Variants in ADGRL2 observed in about 807,000 individuals in gnomAD.
The protein encoded by ADGRL2 is calcium-independent alpha-latrotoxin receptor 2.
Under a neutral mutation model 157.4 loss-of-function variants are expected in ADGRL2, and 44 were observed. That is an observed-to-expected ratio of 0.28 (90% CI 0.22 to 0.36). The LOEUF is 0.36. Among genes scored for constraint, ADGRL2 ranks in the 10% least tolerant of loss-of-function variants. The probability of loss-of-function intolerance (pLI) is 1.00; values close to 1 mark genes in which losing one functional copy is unlikely to be tolerated. For missense variants in ADGRL2, 1,510 were observed against 1,768.9 expected (o/e 0.85, Z 2.63); for synonymous variants, 585 against 624.7 (o/e 0.94, Z 0.95).
intron 3 of ADGRL2, among the ~76,000 whole-genome samples, chr1:81,590,057 G>T (rs764226025): frequency 1.2e-4 from 18 of 152,250 alleles, no homozygotes; most frequent in Non-Finnish European, 1.8e-4. Flanking sequence ...AAGATCTGAG[G>T]ATTCCCTTTG....
At chr1:81,613,816 T>C (rs1164182630) in intron 3 of ADGRL2, among the ~76,000 whole-genome samples, 1 of 152,212 alleles carries the variant, frequency 6.6e-6, no homozygotes, top group East Asian at 1.9e-4. Flanking sequence ...CTGAGCTAAA[T>C]GACTTTTAAA....
chr1:81,365,296 C>T lies in ADGRL2; in HGVS notation c.-302+58787C>T, dbSNP rs1240324998. Among the ~76,000 whole-genome samples the T allele has an allele frequency of 2.6e-5, 4 of 152,166 alleles. No individual in the cohort carries two copies. The South Asian group carries it at 6.2e-4, about 24-fold the overall frequency. On this transcript the variant is annotated intron_variant, in intron 1 of 24. Transcript: ENST00000370721. ...CACTGAACCAAGGTAGAAACCAAAG[C>T]GAACACTATTAGAATAGAAAGGAGA...
In ADGRL2 at chr1:81,991,327, T is replaced by C. The variant is rs1664566684; in HGVS notation, c.*182T>C. 3 of 544,064 alleles carry C rather than the reference T, an allele frequency of 5.5e-6. No individual in the cohort carries two copies. In the South Asian group the frequency reaches 9.2e-5, roughly 17 times the overall value. The allele number at this position is 544,064 out of a possible 1,614,324, so 33.7% of individuals were successfully genotyped here. A position where few individuals can be genotyped will look rare whatever the true frequency, so the allele number is the denominator to read the frequency against. On this transcript the variant is annotated 3_prime_UTR_variant, in exon 24 of 24. Coordinates refer to ENST00000686636, the MANE Select transcript of ADGRL2 (RefSeq NM_001366006.2). ...ATTTTTATAAAACATACAAAAACTT[T>C]GTATATACACAGAGTATACTAAAGT...
chr1:81,495,835 T>G (rs1387921595), intron 2 of ADGRL2, among the ~76,000 whole-genome samples: 2 of 152,190 alleles, frequency 1.3e-5, no homozygotes, highest in Admixed American at 6.5e-5. Flanking sequence ...CCTGATAAGT[T>G]TGTCATTGGT....
chr1:81,315,542 G>C (rs1306571478), intron 1 of ADGRL2, among the ~76,000 whole-genome samples: 4 of 152,078 alleles, frequency 2.6e-5, no homozygotes, highest in African/African-American at 9.7e-5. Flanking sequence ...GGATTAGAAA[G>C]TCCCTCAGGG....
At chr1:81,357,237 C>T (rs1337833709) in intron 1 of ADGRL2, among the ~76,000 whole-genome samples, 2 of 152,058 alleles carry the variant, frequency 1.3e-5, no homozygotes, top group African/African-American at 4.8e-5. Context: ...CTCTTTGCAC[C>T]ATGATTTATG....
chr1:81,863,377 A>G (rs1414885083), intron 2 of ADGRL2, among the ~76,000 whole-genome samples: 1 of 152,150 alleles, frequency 6.6e-6, no homozygotes, highest in Non-Finnish European at 1.5e-5. Flanking sequence ...AATACTGCAT[A>G]ATATTGCCCA....
At chr1:81,960,362 G>A (rs1275742605) in intron 11 of ADGRL2, among the ~76,000 whole-genome samples, 2 of 152,132 alleles carry the variant, frequency 1.3e-5, no homozygotes, top group African/African-American at 4.8e-5. Flanking sequence ...TTATCAACAA[G>A]CACATAATCT....
At chr1:81,989,880 T>G in intron 23 of ADGRL2, 5 of 985,426 alleles carry the variant, frequency 5.1e-6, no homozygotes, top group Non-Finnish European at 6.0e-6. Flanking sequence ...TAGAATGTTG[T>G]TTAAAAAGTT....
chr1:81,849,064 C>G (rs1336740939), intron 2 of ADGRL2, among the ~76,000 whole-genome samples: 1 of 151,920 alleles, frequency 6.6e-6, no homozygotes, highest in East Asian at 1.9e-4. Flanking sequence ...CTTTCAAAAG[C>G]TCTTACTTTT....
intron 1 of ADGRL2, among the ~76,000 whole-genome samples, chr1:81,407,897 A>T (rs536934696): frequency 1.3e-5 from 2 of 152,192 alleles, no homozygotes; most frequent in African/African-American, 2.4e-5. Context: ...AGTTGCCAAG[A>T]TCATCTGAGA....
intron 19 of ADGRL2, among the ~76,000 whole-genome samples, chr1:81,983,256 T>A (rs1662172997): frequency 1.3e-5 from 2 of 151,988 alleles, no homozygotes; most frequent in African/African-American, 4.8e-5. Flanking sequence ...TCAAAAGAAG[T>A]ATAACTTAGT....
At chr1:81,389,222 A>G (rs2076492030) in intron 1 of ADGRL2, among the ~76,000 whole-genome samples, 1 of 152,162 alleles carries the variant, frequency 6.6e-6, no homozygotes, top group East Asian at 1.9e-4. Flanking sequence ...CTCAACATTC[A>G]ACAATGTAAC....
intron 3 of ADGRL2, among the ~76,000 whole-genome samples, chr1:81,922,492 C>A (rs1015714687): frequency 2.6e-5 from 4 of 151,980 alleles, no homozygotes; most frequent in Non-Finnish European, 4.4e-5. Context: ...GGATTTGAGT[C>A]CTTAATATTA....
At chr1:81,472,639 A>G (rs1016925218) in intron 2 of ADGRL2, among the ~76,000 whole-genome samples, 3 of 130,226 alleles carry the variant, frequency 2.3e-5, no homozygotes, top group East Asian at 6.2e-4. Flanking sequence ...CTGAAAAAAA[A>G]GGAAAGGAAA....
At chr1:81,911,468 C>T (rs1224680916) in intron 3 of ADGRL2, among the ~76,000 whole-genome samples, 1 of 152,100 alleles carries the variant, frequency 6.6e-6, no homozygotes, top group Non-Finnish European at 1.5e-5. Context: ...CAGTTGGGTA[C>T]AAACTAGTAG....
intron 2 of ADGRL2, among the ~76,000 whole-genome samples, chr1:81,453,940 C>T (rs767432677): frequency 6.6e-6 from 1 of 152,140 alleles, no homozygotes; most frequent in Non-Finnish European, 1.5e-5. Flanking sequence ...TTGAAGGAAA[C>T]GAAATCAATC....
chr1:81,508,705 T>G (rs898474965), intron 2 of ADGRL2, among the ~76,000 whole-genome samples: 2 of 152,194 alleles, frequency 1.3e-5, no homozygotes, highest in African/African-American at 4.8e-5. Context: ...AGCCCTGCCA[T>G]CTTTTTACAG....
intron 3 of ADGRL2, among the ~76,000 whole-genome samples, chr1:81,691,802 T>C (rs1440182697): frequency 1.3e-5 from 2 of 151,036 alleles, no homozygotes; most frequent in African/African-American, 4.9e-5. Flanking sequence ...CCCAGCCCTC[T>C]TTTTAGGACT....
Sources: gnomAD v4.1 joint callset for allele counts (sites outside exome capture counted in the v4.1 genomes callset) on GRCh38, gnomAD v4.1.1 for gene constraint, MANE v1.5 for transcripts, NCBI Gene and HGNC (gene_info 2026-07-23, HGNC 2026-07-21) for gene names.